NCOA3: variants seen among roughly 807,000 people sequenced by gnomAD.
NCOA3 encodes nuclear receptor coactivator 3.
A neutral mutation model predicts 158.8 loss-of-function variants in NCOA3; 51 were observed. The observed-to-expected ratio is 0.32, with a 90% CI of 0.26 to 0.41. The LOEUF is 0.41. NCOA3 is among the 10% of genes least tolerant of loss of function. The pLI, the probability that NCOA3 is intolerant of heterozygous loss-of-function variation, is 1.00. For synonymous variants in NCOA3, 537 were observed against 592.4 expected (o/e 0.91, Z 1.36); for missense variants, 1,510 against 1,746.6 (o/e 0.86, Z 2.41).
At chr20:47,525,543 G>T (rs2084417178) in intron 1 of NCOA3, among the ~76,000 whole-genome samples, 1 of 145,540 alleles carries the variant, frequency 6.9e-6, no homozygotes, top group African/African-American at 2.6e-5. Context: ...CCTGGACGGG[G>T]CGGCTGGCCG....
intron 1 of NCOA3, among the ~76,000 whole-genome samples, chr20:47,549,130 A>G (rs2084887764): frequency 6.6e-6 from 1 of 152,050 alleles, no homozygotes; most frequent in Non-Finnish European, 1.5e-5. Context: ...CTCCCACCTC[A>G]GCCTCCAAAA....
At chr20:47,587,341 C>T (rs551747788) in intron 2 of NCOA3, among the ~76,000 whole-genome samples, 3 of 152,226 alleles carry the variant, frequency 2.0e-5, no homozygotes, top group Non-Finnish European at 2.9e-5. Context: ...CAAGATCTCT[C>T]TGAGTGCTAG....
chr20:47,590,631 C>T (rs1357180156), intron 2 of NCOA3, among the ~76,000 whole-genome samples: 3 of 151,904 alleles, frequency 2.0e-5, no homozygotes, highest in African/African-American at 2.4e-5. Flanking sequence ...GGTAAGACCC[C>T]GTCTCTACAA....
intron 1 of NCOA3, among the ~76,000 whole-genome samples, chr20:47,530,261 A>G (rs998561627): frequency 6.6e-6 from 1 of 152,190 alleles, no homozygotes; most frequent in African/African-American, 2.4e-5. Flanking sequence ...TAGATTATGT[A>G]TCTGAGAAGA....
chr20:47,570,146 AT>A (rs2085268800), intron 1 of NCOA3, among the ~76,000 whole-genome samples: 1 of 152,114 alleles, frequency 6.6e-6, no homozygotes. Context: ...AAACCACTTT[AT>A]TTGGTCATCT....
intron 2 of NCOA3, among the ~76,000 whole-genome samples, chr20:47,587,137 G>A (rs919122702): frequency 1.3e-5 from 2 of 152,026 alleles, no homozygotes; most frequent in African/African-American, 2.4e-5. Flanking sequence ...ATTACCCGTC[G>A]GATCTTGGCT....
At chr20:47,512,830 A>G (rs2084169098) in intron 1 of NCOA3, among the ~76,000 whole-genome samples, 1 of 152,168 alleles carries the variant, frequency 6.6e-6, no homozygotes, top group Non-Finnish European at 1.5e-5. Context: ...AAATGGTACA[A>G]TCACTTTGAG....
At chr20:47,544,332 T>TTTTTTTTTA (rs2084793517) in intron 1 of NCOA3, among the ~76,000 whole-genome samples, 1 of 144,838 alleles carries the variant, frequency 6.9e-6, no homozygotes, top group African/African-American at 2.6e-5. Flanking sequence ...TTTTTTTTTT[T>TTTTTTTTTA]TTTTTCCCTT....
At chr20:47,522,358 A>G (rs1361668627) in intron 1 of NCOA3, among the ~76,000 whole-genome samples, 1 of 150,850 alleles carries the variant, frequency 6.6e-6, no homozygotes, top group Non-Finnish European at 1.5e-5. Context: ...CGCGTCGGCA[A>G]AGTGCTGGGA....
At chr20:47,651,341 C>T (rs2086792011) in intron 20 of NCOA3, 65 bp downstream of exon 20, 2 of 1,527,864 alleles carry the variant, frequency 1.3e-6, no homozygotes, top group African/African-American at 1.4e-5. Context: ...AGCTTCATTA[C>T]ATTTATTGCA....
At chr20:47,602,985 G>A (rs1367795777) in intron 2 of NCOA3, among the ~76,000 whole-genome samples, 1 of 152,140 alleles carries the variant, frequency 6.6e-6, no homozygotes, top group Non-Finnish European at 1.5e-5. Flanking sequence ...AGTTATGAAC[G>A]TTAACATGAT....
intron 1 of NCOA3, among the ~76,000 whole-genome samples, chr20:47,547,654 G>A (rs1268545927): frequency 2.0e-5 from 3 of 151,624 alleles, no homozygotes; most frequent in Admixed American, 6.6e-5. Context: ...TCCTGACCTC[G>A]TGATCCACCC....
At chr20:47,504,048 A>G (rs2083984960) in intron 1 of NCOA3, among the ~76,000 whole-genome samples, 1 of 152,200 alleles carries the variant, frequency 6.6e-6, no homozygotes, top group African/African-American at 2.4e-5. Flanking sequence ...TTTCTGCCAT[A>G]AGATATTTAA....
intron 13 of NCOA3, among the ~76,000 whole-genome samples, chr20:47,638,310 T>C (rs1306241594): frequency 2.0e-5 from 3 of 152,194 alleles, no homozygotes; most frequent in Admixed American, 2.0e-4. Flanking sequence ...CTCGGGAGGC[T>C]AAGGCATGAG....
At chr20:47,636,840 A>G (rs1350897613) in intron 12 of NCOA3, 78 bp downstream of exon 12, 1 of 1,346,542 alleles carries the variant, frequency 7.4e-7, no homozygotes, top group African/African-American at 1.5e-5. Context: ...AAATTCTTCC[A>G]TTTTAGGTTT....
intron 1 of NCOA3, among the ~76,000 whole-genome samples, chr20:47,506,039 A>C (rs2084027476): frequency 6.6e-6 from 1 of 151,974 alleles, no homozygotes; most frequent in Non-Finnish European, 1.5e-5. Flanking sequence ...TCCTGACCTC[A>C]AGTGATCCTC....
chr20:47,582,594 T>C (rs1223745092), intron 1 of NCOA3, among the ~76,000 whole-genome samples: 2 of 152,136 alleles, frequency 1.3e-5, no homozygotes, highest in Admixed American at 6.6e-5. Flanking sequence ...CTTGAACTCC[T>C]GGCCTCAAGC....
intron 1 of NCOA3, among the ~76,000 whole-genome samples, chr20:47,507,913 C>G (rs1021589395): frequency 3.3e-5 from 5 of 152,128 alleles, no homozygotes; most frequent in African/African-American, 1.2e-4. Flanking sequence ...GCCACCACGC[C>G]TGGCCAACAA....
intron 1 of NCOA3, among the ~76,000 whole-genome samples, chr20:47,527,273 G>C (rs2084471065): frequency 6.6e-6 from 1 of 152,024 alleles, no homozygotes; most frequent in African/African-American, 2.4e-5. Context: ...ATATTAAGAT[G>C]TTATGGGTCT....
Sources: gnomAD v4.1 joint callset for allele counts (sites outside exome capture counted in the v4.1 genomes callset) on GRCh38, gnomAD v4.1.1 for gene constraint, MANE v1.5 for transcripts, NCBI Gene and HGNC (gene_info 2026-07-23, HGNC 2026-07-21) for gene names.